HS3ST2: variants seen among roughly 807,000 people sequenced by gnomAD.
HS3ST2 encodes heparan sulfate glucosamine 3-O-sulfotransferase 2.
A neutral mutation model predicts 26.3 loss-of-function variants in HS3ST2; 17 were observed. The ratio of observed to expected loss-of-function variants is 0.65; its 90% CI spans 0.44 to 0.97. The LOEUF is 0.97. Among genes scored for constraint, HS3ST2 ranks in the 50% least tolerant of loss-of-function variants. The pLI, the probability that HS3ST2 is intolerant of heterozygous loss-of-function variation, is 0.00. For synonymous variants in HS3ST2, 237 were observed against 219.2 expected, an observed-to-expected ratio of 1.08 and a Z score of -0.72; for missense variants, 402 against 501.2, an observed-to-expected ratio of 0.80 and a Z score of 1.89.
At chr16:22,847,814 G>A (rs1005919172) in intron 1 of HS3ST2, among the ~76,000 whole-genome samples, 1 of 148,514 alleles carries the variant, frequency 6.7e-6, no homozygotes, top group Admixed American at 6.8e-5. Flanking sequence ...GAAGGAGGAG[G>A]AGGAGAAGAA....
chr16:22,838,506 A>G (rs936309521), intron 1 of HS3ST2, among the ~76,000 whole-genome samples: 3 of 152,036 alleles, frequency 2.0e-5, no homozygotes, highest in African/African-American at 7.3e-5. Flanking sequence ...TGACATTCTT[A>G]TTTAGTTCAA....
chr16:22,878,813 G>A (rs1300350428), intron 1 of HS3ST2, among the ~76,000 whole-genome samples: 2 of 152,046 alleles, frequency 1.3e-5, no homozygotes, highest in Non-Finnish European at 2.9e-5. Context: ...ATATCTGAGG[G>A]AAGCACTTCC....
chr16:22,901,609 G>T (rs559451183), intron 1 of HS3ST2, among the ~76,000 whole-genome samples: 1 of 152,300 alleles, frequency 6.6e-6, no homozygotes, highest in African/African-American at 2.4e-5. Flanking sequence ...AGTGTCCCAC[G>T]GTCAGCTGCA....
intron 1 of HS3ST2, among the ~76,000 whole-genome samples, chr16:22,864,634 T>C (rs924602645): frequency 6.6e-6 from 1 of 152,086 alleles, no homozygotes; most frequent in African/African-American, 2.4e-5. Flanking sequence ...AGAGTATATC[T>C]ATCTTAGTGA....
intron 1 of HS3ST2, among the ~76,000 whole-genome samples, chr16:22,821,196 G>A (rs1027609412): frequency 6.6e-6 from 1 of 152,076 alleles, no homozygotes; most frequent in Non-Finnish European, 1.5e-5. Context: ...GATAAGATGC[G>A]ATGGTGGGCA....
At chr16:22,909,838 G>A (rs1311155531) in intron 1 of HS3ST2, among the ~76,000 whole-genome samples, 4 of 152,056 alleles carry the variant, frequency 2.6e-5, no homozygotes, top group South Asian at 2.1e-4. Flanking sequence ...TCAGGAGTTC[G>A]AGACCAGCCT....
intron 1 of HS3ST2, among the ~76,000 whole-genome samples, chr16:22,902,368 C>T (rs1309894616): frequency 6.6e-6 from 1 of 152,132 alleles, no homozygotes; most frequent in Admixed American, 6.5e-5. Flanking sequence ...AAGTTTATTT[C>T]CTGCTTAGAC....
chr16:22,876,282 G>A (rs887087823), intron 1 of HS3ST2, among the ~76,000 whole-genome samples: 7 of 151,786 alleles, frequency 4.6e-5, no homozygotes, highest in African/African-American at 1.7e-4. Flanking sequence ...CAAAAAGTGG[G>A]CTAAGGACAT....
At chr16:22,876,579 A>T (rs1901921970) in intron 1 of HS3ST2, among the ~76,000 whole-genome samples, 1 of 152,204 alleles carries the variant, frequency 6.6e-6, no homozygotes, top group Non-Finnish European at 1.5e-5. Context: ...CCGTGTGGAG[A>T]TTCCTTAAAG....
At chr16:22,907,068 G>C (rs2141746823) in intron 1 of HS3ST2, among the ~76,000 whole-genome samples, 1 of 152,316 alleles carries the variant, frequency 6.6e-6, no homozygotes, top group South Asian at 2.1e-4. Context: ...TTTTGGTTTG[G>C]ATTTGGAAAT....
intron 1 of HS3ST2, among the ~76,000 whole-genome samples, chr16:22,895,595 G>A (rs571772720): frequency 6.6e-6 from 1 of 152,052 alleles, no homozygotes; most frequent in East Asian, 1.9e-4. Context: ...GAACACAAAT[G>A]TTCTCGTTGT....
chr16:22,903,029 G>C (rs575460615), intron 1 of HS3ST2, among the ~76,000 whole-genome samples: 1 of 152,090 alleles, frequency 6.6e-6, no homozygotes, highest in African/African-American at 2.4e-5. Context: ...TTTATTTATG[G>C]TATTTTTCTA....
chr16:22,861,432 A>G (rs1007369287), intron 1 of HS3ST2, among the ~76,000 whole-genome samples: 1 of 151,812 alleles, frequency 6.6e-6, no homozygotes, highest in African/African-American at 2.4e-5. Context: ...TGTTTCTGAG[A>G]GGCCTGGAGG....
chr16:22,823,550 G>A (rs149975803), intron 1 of HS3ST2, among the ~76,000 whole-genome samples: 1 of 151,744 alleles, frequency 6.6e-6, no homozygotes, highest in East Asian at 1.9e-4. Flanking sequence ...TTTGGAGGCC[G>A]ACGCTGGGTA....
chr16:22,862,401 A>G (rs990654704), intron 1 of HS3ST2, among the ~76,000 whole-genome samples: 15 of 151,974 alleles, frequency 9.9e-5, no homozygotes, highest in Admixed American at 2.6e-4. Context: ...TTTTAAGGGC[A>G]AACTAACCAG....
intron 1 of HS3ST2, among the ~76,000 whole-genome samples, chr16:22,847,187 G>A (rs551025750): frequency 7.7e-4 from 117 of 152,130 alleles, no homozygotes; most frequent in African/African-American, 2.6e-3. Context: ...CTTTGAGTCC[G>A]TGTGTTCTCA....
At chr16:22,844,047 ACATAT>A (rs1901398085) in intron 1 of HS3ST2, among the ~76,000 whole-genome samples, 4 of 152,026 alleles carry the variant, frequency 2.6e-5, no homozygotes. Flanking sequence ...GCACACACAC[ACATAT>A]CATAACACCA....
intron 1 of HS3ST2, among the ~76,000 whole-genome samples, chr16:22,861,501 GCCAC>G (rs1901673844): frequency 6.6e-6 from 1 of 151,976 alleles, no homozygotes; most frequent in African/African-American, 2.4e-5. Context: ...AGCTGGAGGA[GCCAC>G]CATCCCCAGG....
chr16:22,872,166 C>T (rs1381308289), intron 1 of HS3ST2, among the ~76,000 whole-genome samples: 4 of 152,202 alleles, frequency 2.6e-5, no homozygotes, highest in Non-Finnish European at 5.9e-5. Context: ...TGTGATTTGT[C>T]AGCTGAGCAT....
Sources: allele counts gnomAD v4.1 joint callset (sites outside exome capture counted in the v4.1 genomes callset), GRCh38; gene constraint gnomAD v4.1.1; transcripts MANE v1.5; gene names NCBI Gene and HGNC (gene_info 2026-07-23, HGNC 2026-07-21).